ZZZ3: variants seen among roughly 807,000 people sequenced by gnomAD.
ZZZ3 encodes the protein zinc finger ZZ-type containing 3, also known as ZZ-type zinc finger-containing protein 3.
A neutral mutation model predicts 95.2 loss-of-function variants in ZZZ3; 22 were observed. The ratio of observed to expected loss-of-function variants is 0.23; its 90% CI spans 0.17 to 0.33. ZZZ3 has a LOEUF of 0.33. Ranked by LOEUF, ZZZ3 falls within the 10% of genes least tolerant of loss-of-function variation. ZZZ3 has a pLI of 1.00. For missense variants in ZZZ3, 885 were observed against 1,066.5 expected, an observed-to-expected ratio of 0.83 and a Z score of 2.37; for synonymous variants, 335 against 358.9, an observed-to-expected ratio of 0.93 and a Z score of 0.75.
At chr1:77,609,288 AAAG>A (rs1665543995) in intron 5 of ZZZ3, among the ~76,000 whole-genome samples, 1 of 152,216 alleles carries the variant, frequency 6.6e-6, no homozygotes, top group Non-Finnish European at 1.5e-5. Flanking sequence ...AAAAAGAGAC[AAAG>A]AAGGTCACTA....
Position 77,605,946 on chromosome 1 carries a change from T to C in ZZZ3, c.1506-21291A>G, listed in dbSNP as rs1156308038. ...GCTATGGTGAGAAACTCCTTCTGCT[T>C]AAGAAAAGCAGAGGGAAAAGCAAAG... On this transcript the variant is annotated intron_variant, in intron 5 of 14. Transcript: ENST00000370801. 1.3e-4 allele frequency among the ~76,000 whole-genome samples: 20 copies of C among 152,104 alleles called. No homozygotes were observed. The East Asian group carries it at 3.9e-3, about 29-fold the overall frequency.
intron 5 of ZZZ3, among the ~76,000 whole-genome samples, chr1:77,591,066 T>C (rs1284902148): frequency 6.6e-6 from 1 of 152,154 alleles, no homozygotes; most frequent in Non-Finnish European, 1.5e-5. Flanking sequence ...ACTTTGCTAC[T>C]CAAAAAGAGC....
intron 12 of ZZZ3, among the ~76,000 whole-genome samples, chr1:77,569,429 T>C (rs1024836384): frequency 6.6e-6 from 1 of 152,232 alleles, no homozygotes; most frequent in Non-Finnish European, 1.5e-5. Flanking sequence ...TCCGAACTTT[T>C]AGATACATAT....
At position 77,632,373 on chromosome 1, in the gene ZZZ3, T is replaced by C. The variant is rs371735987; in HGVS notation, c.982A>G (p.Lys328Glu). ...TTGGTGTTTTCTTTACACTGCTCTTTTGAGGCACTGCTATCTCCCACCACA... is the reference window on the plus strand; with the variant it reads ...TTGGTGTTTTCTTTACACTGCTCTTCTGAGGCACTGCTATCTCCCACCACA... The part of the protein sequence containing the change: ...VDVVGDSSAS[K>E]EQCKENTNNE... The change falls in exon 5 of 15, where the codon AAA (lysine) becomes GAA (glutamate). Residue 328 changes from lysine (K) to glutamate (E), a missense_variant. Lys to Glu is a moderately conservative substitution (Grantham distance 56). Transcript: ENST00000370801. 25 of 1,614,052 alleles carry C rather than the reference T, an allele frequency of 1.5e-5. No homozygotes were observed. In the African/African-American group the frequency reaches 3.2e-4, roughly 21 times the overall value.
At chr1:77,676,325 C>G (rs1055445937) in intron 1 of ZZZ3, among the ~76,000 whole-genome samples, 1 of 152,200 alleles carries the variant, frequency 6.6e-6, no homozygotes, top group Non-Finnish European at 1.5e-5. Flanking sequence ...CGCCACCACA[C>G]CAGGCTAATT....
chr1:77,656,561 G>A (rs898055734), intron 1 of ZZZ3, among the ~76,000 whole-genome samples: 3 of 152,170 alleles, frequency 2.0e-5, no homozygotes, highest in African/African-American at 7.2e-5. Flanking sequence ...AGTCCTCCCT[G>A]AAATATCTTT....
chr1:77,570,820 C>T (rs1661309377), intron 12 of ZZZ3, among the ~76,000 whole-genome samples: 1 of 149,848 alleles, frequency 6.7e-6, no homozygotes. Flanking sequence ...CACCACCAAG[C>T]CTGGCTAATT....
chr1:77,654,185 CAAAAAAA>C (rs749067016), intron 1 of ZZZ3, among the ~76,000 whole-genome samples: 7 of 66,322 alleles, frequency 1.1e-4, no homozygotes, highest in South Asian at 9.1e-4. Context: ...GACTCCATCT[CAAAAAAA>C]AAAAAAAAAA....
intron 5 of ZZZ3, among the ~76,000 whole-genome samples, chr1:77,601,688 G>A (rs1488335987): frequency 6.6e-6 from 1 of 151,922 alleles, no homozygotes; most frequent in Non-Finnish European, 1.5e-5. Context: ...TTTAAAAGAC[G>A]GTTTACATTA....
intron 1 of ZZZ3, among the ~76,000 whole-genome samples, chr1:77,646,523 C>G (rs1349093444): frequency 6.6e-6 from 1 of 152,058 alleles, no homozygotes; most frequent in East Asian, 1.9e-4. Flanking sequence ...GCGCCCAGCT[C>G]TGCTTTCGTT....
chr1:77,602,359 C>T (rs543106092), intron 5 of ZZZ3, among the ~76,000 whole-genome samples: 1 of 152,314 alleles, frequency 6.6e-6, no homozygotes, highest in South Asian at 2.1e-4. Context: ...TCAATTATTA[C>T]TTGTCCACCT....
At chr1:77,661,055 CAA>C (rs201335878) in intron 1 of ZZZ3, among the ~76,000 whole-genome samples, 215 of 80,196 alleles carry the variant, frequency 2.7e-3, no homozygotes, top group Admixed American at 3.2e-3. Flanking sequence ...TGCTTTAACG[CAA>C]AAAAAAAAAA....
chr1:77,629,196 T>C (rs1570552921), intron 5 of ZZZ3, among the ~76,000 whole-genome samples: 1 of 152,164 alleles, frequency 6.6e-6, no homozygotes, highest in African/African-American at 2.4e-5. Context: ...TGAAAGAGAT[T>C]AGATCTGACA....
At chr1:77,583,397 C>A (rs1662732746) in intron 6 of ZZZ3, among the ~76,000 whole-genome samples, 3 of 151,992 alleles carry the variant, frequency 2.0e-5, no homozygotes, top group Admixed American at 2.0e-4. Flanking sequence ...TATTTAATAA[C>A]AGCAATGCAG....
chr1:77,643,836 C>T (rs1669003499), intron 1 of ZZZ3, among the ~76,000 whole-genome samples: 1 of 152,180 alleles, frequency 6.6e-6, no homozygotes, highest in South Asian at 2.1e-4. Context: ...AAGCACAATC[C>T]CTAAATTCTC....
At chr1:77,648,151 A>G (rs1236854999) in intron 1 of ZZZ3, among the ~76,000 whole-genome samples, 1 of 152,018 alleles carries the variant, frequency 6.6e-6, no homozygotes, top group Non-Finnish European at 1.5e-5. Context: ...TGAGCCCAGG[A>G]GTTTGAGACC....
At chr1:77,580,313 T>G (rs1269997362) in intron 9 of ZZZ3, 1 of 152,228 alleles carries the variant, frequency 6.6e-6, no homozygotes, top group Non-Finnish European at 1.5e-5. Context: ...CTAAACTGTA[T>G]GCCAAAACTG....
chr1:77,584,449 T>G lies in ZZZ3; in HGVS notation c.1644+68A>C, dbSNP rs904259112. ...AAAAGTATATACCCATAAAAAAGAA[T>G]TAACCAAATTCTCTTAAGCTATTCC... On this transcript the variant is annotated intron_variant, in intron 6 of 14. Coordinates refer to ENST00000370801, the MANE Select transcript of ZZZ3 (RefSeq NM_015534.6). 5 of 1,477,408 alleles carry G rather than the reference T, an allele frequency of 3.4e-6. No homozygotes were observed. In the African/African-American group the frequency reaches 7.1e-5, roughly 21 times the overall value. 91.5% of individuals were successfully genotyped at this position (1,477,408 alleles called of 1,614,324 possible).
chr1:77,608,652 A>G (rs1258240323), intron 5 of ZZZ3, among the ~76,000 whole-genome samples: 3 of 152,254 alleles, frequency 2.0e-5, no homozygotes, highest in African/African-American at 7.2e-5. Flanking sequence ...TTAAGTAGAA[A>G]GACTAAAAGA....
Sources: gnomAD v4.1 joint callset for allele counts (sites outside exome capture counted in the v4.1 genomes callset) on GRCh38, gnomAD v4.1.1 for gene constraint, MANE v1.5 for transcripts, NCBI Gene and HGNC (gene_info 2026-07-23, HGNC 2026-07-21) for gene names.